NFKBIZ: variants seen among roughly 807,000 people sequenced by gnomAD.
NFKBIZ encodes the protein NFKB inhibitor zeta.
A neutral mutation model predicts 76.8 loss-of-function variants in NFKBIZ; 19 were observed. That is an observed-to-expected ratio of 0.25 (90% CI 0.17 to 0.36). The LOEUF (loss-of-function observed/expected upper bound fraction) is 0.36. Ranked by LOEUF, NFKBIZ falls within the 10% of genes least tolerant of loss-of-function variation. NFKBIZ has a pLI of 1.00. For missense variants in NFKBIZ, 829 were observed against 910.9 expected (o/e 0.91, Z 1.16); for synonymous variants, 368 against 354.8 (o/e 1.04, Z -0.42).
At chr3:101,854,770 A>G (rs971269367) in intron 6 of NFKBIZ, 87 bp downstream of exon 6, 1 of 875,928 alleles carries the variant, frequency 1.1e-6, no homozygotes, top group Non-Finnish European at 1.8e-6. Flanking sequence ...ATCATCTTAG[A>G]GCTCAAGATC....
intron 11 of NFKBIZ, chr3:101,858,081 A>G (rs1419705972): frequency 9.5e-6 from 9 of 947,270 alleles, no homozygotes; most frequent in African/African-American, 1.8e-5. Flanking sequence ...TTTAGATAAC[A>G]AGAACTTATT....
upstream of NFKBIZ, chr3:101,849,426 C>T (rs1409866163): frequency 5.2e-6 from 2 of 382,324 alleles, no homozygotes; most frequent in Non-Finnish European, 9.1e-6. Context: ...GGAGGCGGCC[C>T]GGGCACCGCC....
At chr3:101,848,818 G>A (rs546894159), upstream of NFKBIZ, 1 of 152,298 alleles carries the variant, frequency 6.6e-6, no homozygotes, top group Non-Finnish European at 1.5e-5. Context: ...TTTTATTCAT[G>A]GCTGCACCTA....
chr3:101,852,481 G>C (rs576764375), intron 2 of NFKBIZ, among the ~76,000 whole-genome samples: 1 of 152,300 alleles, frequency 6.6e-6, no homozygotes, highest in Admixed American at 6.5e-5. Context: ...AACTGAAATG[G>C]AACATTTTAA....
intron 1 of NFKBIZ, 105 bp from the exon 2 acceptor site, chr3:101,851,980 C>T (rs1350049375): frequency 5.8e-6 from 8 of 1,382,700 alleles, no homozygotes; most frequent in Middle Eastern, 1.9e-4. Context: ...CAATGTGCTG[C>T]TTGGGGACTT....
In NFKBIZ at chr3:101,853,219, C is replaced by T. The variant is rs868659643; in HGVS notation, c.693C>T (p.Ser231=). ...INIKNECSPV[S]LNTVQVSWLN... is the part of the protein sequence containing the mutation. Reference sequence around the variant, plus strand: ...TTAAGAATGAATGCAGCCCCGTTTCCCTGAACACAGTTCAAGTTAGCTGGC... The same window carrying T: ...TTAAGAATGAATGCAGCCCCGTTTCTCTGAACACAGTTCAAGTTAGCTGGC... The change falls in exon 5 of 12, where the codon TCC becomes TCT. Residue 231 remains serine (S), a synonymous_variant. Transcript: ENST00000326172. 1.2e-6 allele frequency: 2 copies of T among 1,614,156 alleles called. No individual in the cohort carries two copies. The highest frequency in any genetic ancestry group is 8.5e-7 in the Non-Finnish European group (1 of 1,180,034).
intron 2 of NFKBIZ, 141 bp downstream of exon 2, chr3:101,852,365 C>CAGACAA: frequency 9.3e-7 from 1 of 1,074,684 alleles, no homozygotes; most frequent in Non-Finnish European, 1.3e-6. Context: ...GGACAGAGAC[C>CAGACAA]ATATTTGTCT....
In NFKBIZ at chr3:101,849,691, C is replaced by T; in HGVS notation, c.63C>T (p.Gly21=). ...GAGAGGGGCTGCGGGACGCGGCGGGCGGCTGCGGCCTCATGACCAGCCCGC... is the reference window on the plus strand; with the variant it reads ...GAGAGGGGCTGCGGGACGCGGCGGGTGGCTGCGGCCTCATGACCAGCCCGC... The part of the protein sequence containing the change: ...RGGEGLRDAA[G]GCGLMTSPLN... Residue 21 remains glycine, a synonymous_variant, in exon 1 of 12, where the codon GGC becomes GGT. Coordinates refer to ENST00000326172, the MANE Select transcript of NFKBIZ (RefSeq NM_031419.4). The T allele has an allele frequency of 2.2e-6, 3 of 1,388,416 alleles. No homozygotes were observed. Among genetic ancestry groups the T allele is most frequent in the Non-Finnish European group, 2.8e-6 (3 of 1,078,700 alleles). 86.0% of individuals were successfully genotyped at this position (1,388,416 alleles called of 1,614,324 possible). A position where few individuals can be genotyped will look rare whatever the true frequency, so the allele number is the denominator to read the frequency against.
chr3:101,856,862 CAA>C (rs1384573213), intron 9 of NFKBIZ: 3 of 478,638 alleles, frequency 6.3e-6, no homozygotes, highest in East Asian at 3.3e-5. Context: ...TACATTGTGA[CAA>C]GAGGCATATA....
intron 2 of NFKBIZ, among the ~76,000 whole-genome samples, chr3:101,836,000 G>A (rs1479364475): frequency 1.3e-5 from 2 of 152,140 alleles, no homozygotes; most frequent in African/African-American, 2.4e-5. Context: ...GGACCATTTC[G>A]GAGAGGGAAC....
chr3:101,849,029 G>C (rs989769948), upstream of NFKBIZ: 1 of 152,520 alleles, frequency 6.6e-6, no homozygotes, highest in African/African-American at 2.4e-5. Flanking sequence ...GCCGGGGCAG[G>C]CAGAGGGGTG....
At chr3:101,844,388 G>C (rs1256026765) in intron 2 of NFKBIZ, among the ~76,000 whole-genome samples, 1 of 152,146 alleles carries the variant, frequency 6.6e-6, no homozygotes, top group Non-Finnish European at 1.5e-5. Flanking sequence ...AGTAGACAGT[G>C]GTGAAGAATA....
At chr3:101,831,864 T>C (rs1942652592) in intron 2 of NFKBIZ, among the ~76,000 whole-genome samples, 1 of 152,144 alleles carries the variant, frequency 6.6e-6, no homozygotes, top group Non-Finnish European at 1.5e-5. Context: ...AGTCTTGAAC[T>C]CCTGACCTCA....
At position 101,849,747 on chromosome 3, in the gene NFKBIZ, C is replaced by T; in HGVS notation, c.119C>T (p.Pro40Leu). Residue 40 changes from proline (P) to leucine (L), a missense_variant, in exon 1 of 12, where the codon CCG (proline) becomes CTG (leucine). Physicochemically the swap from Pro to Leu is moderately conservative, Grantham distance 98 (BLOSUM62 -3). Transcript: ENST00000326172. Reference sequence around the variant, plus strand: ...CTGAGCTACTTCTACGGCGCGTCGCCGCCCGCCGCCGCCCCGGGCGCCTGC... The same window carrying T: ...CTGAGCTACTTCTACGGCGCGTCGCTGCCCGCCGCCGCCCCGGGCGCCTGC... ...LNLSYFYGASPPAAAPGACDA... is the reference protein window; with the variant it reads ...LNLSYFYGASLPAAAPGACDA... 1 of 1,448,150 alleles carries T rather than the reference C, an allele frequency of 6.9e-7. No individual in the cohort carries two copies. The highest frequency in any genetic ancestry group is 9.0e-7 in the Non-Finnish European group (1 of 1,105,504). The allele number at this position is 1,448,150 out of a possible 1,614,324, so 89.7% of individuals were successfully genotyped here.
intron 2 of NFKBIZ, among the ~76,000 whole-genome samples, chr3:101,836,464 A>G (rs1236107140): frequency 6.6e-6 from 1 of 152,042 alleles, no homozygotes; most frequent in Admixed American, 6.6e-5. Context: ...CTTTTTGATT[A>G]TTGTCTGTCT....
chr3:101,845,275 GA>G (rs370924351), upstream of NFKBIZ, among the ~76,000 whole-genome samples: 7 of 124,270 alleles, frequency 5.6e-5, no homozygotes, highest in Non-Finnish European at 6.9e-5. Flanking sequence ...CTCAAAAAAA[GA>G]AAAAAAAAAT....
chr3:101,851,027 A>G (rs967704513), intron 1 of NFKBIZ, among the ~76,000 whole-genome samples: 4 of 152,222 alleles, frequency 2.6e-5, no homozygotes, highest in African/African-American at 7.2e-5. Context: ...GCTGTGTTAG[A>G]TTCTGGCAAT....
chr3:101,857,533 C>G, intron 11 of NFKBIZ, 74 bp downstream of exon 11: 1 of 1,589,018 alleles, frequency 6.3e-7, no homozygotes, highest in Non-Finnish European at 8.5e-7. Flanking sequence ...TGAGGCTGTG[C>G]AGGGCGAAGG....
chr3:101,854,510 T>A, intron 5 of NFKBIZ, 68 bp from the exon 6 acceptor site: 1 of 970,202 alleles, frequency 1.0e-6, no homozygotes, highest in South Asian at 1.5e-5. Context: ...GATTTTTTTT[T>A]TTTTTTCAAA....
Sources: gnomAD v4.1 joint callset for allele counts (sites outside exome capture counted in the v4.1 genomes callset) on GRCh38, gnomAD v4.1.1 for gene constraint, MANE v1.5 for transcripts, NCBI Gene and HGNC (gene_info 2026-07-23, HGNC 2026-07-21) for gene names.